Variants in DPP6 observed in about 807,000 individuals in gnomAD.
DPP6 encodes the protein A-type potassium channel modulatory protein DPP6.
Under a neutral mutation model 122.6 loss-of-function variants are expected in DPP6, and 69 were observed. That is an observed-to-expected ratio of 0.56 (90% CI 0.46 to 0.69). The LOEUF (loss-of-function observed/expected upper bound fraction) is 0.69, where lower values mean the gene tolerates loss of function less well. Ranked by LOEUF, DPP6 falls within the 30% of genes least tolerant of loss-of-function variation. The probability of loss-of-function intolerance (pLI) is 0.00; values close to 1 mark genes in which losing one functional copy is unlikely to be tolerated. For synonymous variants in DPP6, 418 were observed against 433.1 expected (o/e 0.97, Z 0.43); for missense variants, 928 against 1,116.9 (o/e 0.83, Z 2.41).
At chr7:154,476,452 A>AT in intron 3 of DPP6, among the ~76,000 whole-genome samples, 1 of 152,348 alleles carries the variant, frequency 6.6e-6, no homozygotes, top group East Asian at 1.9e-4. Context: ...CACTTGTGGG[A>AT]TGCCACAGGT....
At chr7:154,055,060 A>G (rs1273398054) in intron 1 of DPP6, among the ~76,000 whole-genome samples, 1 of 149,672 alleles carries the variant, frequency 6.7e-6, no homozygotes, top group Non-Finnish European at 1.5e-5. Flanking sequence ...TCTAAACAGC[A>G]TCTCTAACTT....
chr7:154,736,500 C>A (rs1038119223), intron 8 of DPP6, among the ~76,000 whole-genome samples: 1 of 152,148 alleles, frequency 6.6e-6, no homozygotes, highest in South Asian at 2.1e-4. Context: ...AACACAAAAC[C>A]AATTCTTAGC....
At chr7:154,322,098 T>C (rs1275801786) in intron 1 of DPP6, among the ~76,000 whole-genome samples, 2 of 24,546 alleles carry the variant, frequency 8.1e-5, no homozygotes, top group African/African-American at 1.6e-4. Flanking sequence ...ACCCTCACCC[T>C]CCCCCACCTC....
chr7:154,064,896 T>C (rs1362663455), intron 1 of DPP6, among the ~76,000 whole-genome samples: 1 of 152,206 alleles, frequency 6.6e-6, no homozygotes, highest in Non-Finnish European at 1.5e-5. Flanking sequence ...GGAACAGGAC[T>C]GGCCAGGGAG....
At chr7:154,216,660 A>G (rs567623325) in intron 1 of DPP6, among the ~76,000 whole-genome samples, 6 of 152,176 alleles carry the variant, frequency 3.9e-5, no homozygotes, top group South Asian at 2.1e-4. Context: ...TAATTCTTCT[A>G]TTACCCAGGG....
intron 1 of DPP6, among the ~76,000 whole-genome samples, chr7:154,266,290 T>A (rs1036167027): frequency 6.6e-6 from 1 of 152,112 alleles, no homozygotes; most frequent in Non-Finnish European, 1.5e-5. Context: ...AATCAATCTG[T>A]CTTATGAAGG....
rs1300971524 is a variant in DPP6, at chr7:154,671,386, A to G, written c.762+1945A>G. Among the ~76,000 whole-genome samples, 3 of 152,190 alleles carry G rather than the reference A, an allele frequency of 2.0e-5. No homozygotes were observed. The South Asian group carries it at 6.2e-4, about 32-fold the overall frequency. On this transcript the variant is annotated intron_variant, in intron 7 of 25. Transcript: ENST00000377770. ...TAACCTTACTGAGTGATCATTGTCC[A>G]GCCTTTTTATAGTAGTCAGGAGAAG...
At position 154,876,416 on chromosome 7, in the gene DPP6, G is replaced by A. The variant is rs538090734; in HGVS notation, c.2078+316G>A. 43 of 276,792 alleles carry A rather than the reference G, an allele frequency of 1.6e-4. No individual in the cohort carries two copies. In the Middle Eastern group the frequency reaches 3.1e-3, roughly 20 times the overall value. 17.1% of individuals were successfully genotyped at this position (276,792 alleles called of 1,614,324 possible). ...GTCACTGACCCGGGCCAGTGTCCAC[G>A]CATGTCTTTGCCATTTATCCCAAGG... On this transcript the variant is annotated intron_variant, in intron 20 of 25. Transcript: ENST00000377770.
chr7:154,199,954 G>A (rs1302967280), intron 1 of DPP6, among the ~76,000 whole-genome samples: 1 of 152,160 alleles, frequency 6.6e-6, no homozygotes, highest in Non-Finnish European at 1.5e-5. Flanking sequence ...TCTCCTGATT[G>A]TCAGTGCAGA....
intron 1 of DPP6, chr7:154,055,844 G>A (rs1800782556): frequency 6.6e-6 from 1 of 152,234 alleles, no homozygotes; most frequent in African/African-American, 2.4e-5. Flanking sequence ...TACAGAAACA[G>A]CTTCGCTGCC....
Position 154,601,206 on chromosome 7 carries a change from A to C in DPP6, c.627+34290A>C, listed in dbSNP as rs780038583. Among the ~76,000 whole-genome samples, 2 of 121,570 alleles carry C rather than the reference A, an allele frequency of 1.6e-5. 1 individual carries two copies. The allele number at this position is 121,570 out of a possible 152,430, so 79.8% of individuals were successfully genotyped here. ...GTATGTATGCTGATGCACTTGGATG[A>C]CCTGTTGTAAAGTATGTCAATTAGG... On this transcript the variant is annotated intron_variant, in intron 5 of 25. Coordinates refer to ENST00000377770, the MANE Select transcript of DPP6 (RefSeq NM_130797.4).
At chr7:154,138,835 C>T (rs1010394766) in intron 1 of DPP6, among the ~76,000 whole-genome samples, 2 of 152,046 alleles carry the variant, frequency 1.3e-5, no homozygotes, top group African/African-American at 4.8e-5. Context: ...AAAGAACATT[C>T]AGGCCATCAG....
the DPP6 span, among the ~76,000 whole-genome samples, chr7:153,859,307 A>G: frequency 6.6e-6 from 1 of 152,168 alleles, no homozygotes; most frequent in Non-Finnish European, 1.5e-5. Context: ...CGACACATGC[A>G]ACTAAAACTC....
chr7:154,106,014 T>C (rs1806137143), intron 1 of DPP6, among the ~76,000 whole-genome samples: 1 of 151,624 alleles, frequency 6.6e-6, no homozygotes, highest in Admixed American at 6.6e-5. Flanking sequence ...TATGGAACGG[T>C]ATAACTCCCC....
intron 10 of DPP6, among the ~76,000 whole-genome samples, chr7:154,774,932 G>A (rs768120816): frequency 2.0e-5 from 3 of 152,198 alleles, no homozygotes; most frequent in South Asian, 2.1e-4. Context: ...GCAGTGTCAC[G>A]GCTGAGGTCA....
intron 1 of DPP6, among the ~76,000 whole-genome samples, chr7:154,064,977 A>G (rs1372457877): frequency 6.6e-6 from 1 of 152,078 alleles, no homozygotes; most frequent in Non-Finnish European, 1.5e-5. Context: ...TTTTCCTTAC[A>G]AGAGCTTCCT....
chr7:153,953,708 A>T (rs1802325759), intron 1 of DPP6, among the ~76,000 whole-genome samples: 1 of 152,184 alleles, frequency 6.6e-6, no homozygotes, highest in South Asian at 2.1e-4. Context: ...ACTGTTAGTC[A>T]GCATTCTCCA....
chr7:154,793,695 C>T (rs1274691645), intron 10 of DPP6: 1 of 160,518 alleles, frequency 6.2e-6, no homozygotes, highest in African/African-American at 2.4e-5. Flanking sequence ...CCCCGGACCC[C>T]TCGCTGCCCG....
intron 1 of DPP6, among the ~76,000 whole-genome samples, chr7:154,256,265 A>G (rs1802653903): frequency 6.6e-6 from 1 of 152,182 alleles, no homozygotes; most frequent in African/African-American, 2.4e-5. Context: ...ATTAGTGGAA[A>G]GGTTTCATAA....
Sources: allele counts gnomAD v4.1 joint callset (sites outside exome capture counted in the v4.1 genomes callset), GRCh38; gene constraint gnomAD v4.1.1; transcripts MANE v1.5; gene names NCBI Gene and HGNC (gene_info 2026-07-23, HGNC 2026-07-21).